USP14: variants seen among roughly 807,000 people sequenced by gnomAD.
USP14 encodes ubiquitin specific peptidase 14, also known as ubiquitin carboxyl-terminal hydrolase 14.
In USP14, 38 loss-of-function variants were observed where a neutral mutation model predicts 76.5. The ratio of observed to expected loss-of-function variants is 0.50; its 90% confidence interval spans 0.38 to 0.65. USP14 has a LOEUF of 0.65. Among genes scored for constraint, USP14 ranks in the 30% least tolerant of loss-of-function variants. The pLI is 0.00. For missense variants in USP14, 467 were observed against 586.5 expected, an observed-to-expected ratio of 0.80 and a Z score of 2.10; for synonymous variants, 192 against 191.7, an observed-to-expected ratio of 1.00 and a Z score of -0.01.
rs541001257 is a variant in USP14, at chr18:197,731, T to G, written c.675+35T>G. On this transcript the variant is annotated intron_variant, in intron 8 of 15. Coordinates refer to ENST00000261601, the MANE Select transcript of USP14 (RefSeq NM_005151.4). The stretch of plus-strand genomic sequence containing the variant: ...ATATATTTGTGATTATAGACTTTCG[T>G]TATACCTTGATTTTTTTTTTTATTT... 233 of 1,537,550 alleles carry G rather than the reference T, an allele frequency of 1.5e-4. 6 individuals carry two copies. In the South Asian group the frequency reaches 2.5e-3, roughly 17 times the overall value.
intron 1 of USP14, among the ~76,000 whole-genome samples, chr18:160,428 TGGGA>T (rs1439767609): frequency 6.6e-6 from 1 of 152,134 alleles, no homozygotes; most frequent in Non-Finnish European, 1.5e-5. Context: ...GAAGCTGAGT[TGGGA>T]GGATCACTTG....
chr18:167,236 C>T (rs541350926), intron 3 of USP14, among the ~76,000 whole-genome samples: 2 of 152,062 alleles, frequency 1.3e-5, no homozygotes, highest in African/African-American at 4.8e-5. Flanking sequence ...GAGCCGAGAT[C>T]GTGCCACTGC....
At chr18:186,887 C>T (rs1371236866) in intron 5 of USP14, among the ~76,000 whole-genome samples, 2 of 152,030 alleles carry the variant, frequency 1.3e-5, no homozygotes, top group African/African-American at 2.4e-5. Context: ...TGTTTTTATG[C>T]TTACATATTA....
chr18:204,470 C>G, intron 12 of USP14, 94 bp from the exon 13 acceptor site: 1 of 1,121,986 alleles, frequency 8.9e-7, no homozygotes, highest in South Asian at 2.1e-5. Flanking sequence ...TCAACTGTAT[C>G]TGAATTATGA....
At position 158,573 on chromosome 18, in the gene USP14, A is replaced by G; in HGVS notation, c.-126A>G. ...GGCCGGTTTGAATGAGACTCGTCGC[A>G]CCGAAGCCGCCGCCACCACCGCGCC... On this transcript the variant is annotated 5_prime_UTR_variant, in exon 1 of 16. Transcript: ENST00000261601. The G allele has an allele frequency of 3.0e-6, 3 of 994,356 alleles. No individual in the cohort carries two copies. Among genetic ancestry groups the G allele is most frequent in the Non-Finnish European group, 4.3e-6 (3 of 695,556 alleles). 61.6% of individuals were successfully genotyped at this position (994,356 alleles called of 1,614,324 possible).
chr18:193,870 C>CT (rs1454155010), intron 6 of USP14, among the ~76,000 whole-genome samples: 2 of 152,168 alleles, frequency 1.3e-5, no homozygotes, highest in African/African-American at 4.8e-5. Flanking sequence ...TGCTTTTCGA[C>CT]TATTACAAAT....
At position 158,691 on chromosome 18, in the gene USP14, G is replaced by C; in HGVS notation, c.-8G>C. The C allele has an allele frequency of 6.5e-7, 1 of 1,526,970 alleles. No individual in the cohort carries two copies. 94.6% of individuals were successfully genotyped at this position (1,526,970 alleles called of 1,614,324 possible). A position where few individuals can be genotyped will look rare whatever the true frequency, so the allele number is the denominator to read the frequency against. On this transcript the variant is annotated 5_prime_UTR_variant, in exon 1 of 16. Transcript: ENST00000261601. ...CTCCTGCGCCGCCGCCTCCCGCCGC[G>C]CCCCGCCATGCCGCTCTACTCCGGT... is the stretch of plus-strand genomic sequence containing the variant.
Position 197,753 on chromosome 18 carries a change from AT to A in USP14, c.675+65del, listed in dbSNP as rs36038195. ...TCGTTATACCTTGATTTTTTTTTTT[AT>A]TTTTTTTCCCCTCAAAGGCTTAAAA... is the stretch of plus-strand genomic sequence containing the variant. On this transcript the variant is annotated intron_variant, in intron 8 of 15. Transcript: ENST00000261601. The A allele has an allele frequency of 4.6e-5, 59 of 1,276,012 alleles. 1 individual carries two copies. The highest frequency in any genetic ancestry group is 1.0e-4 in the East Asian group (4 of 38,408). 79.0% of individuals were successfully genotyped at this position (1,276,012 alleles called of 1,614,324 possible).
intron 12 of USP14, 51 bp downstream of exon 12, chr18:203,241 T>C: frequency 6.6e-7 from 1 of 1,503,900 alleles, no homozygotes. Flanking sequence ...TTGAAGGTAA[T>C]TGCTAACTCA....
intron 4 of USP14, among the ~76,000 whole-genome samples, chr18:179,698 C>T (rs1307452705): frequency 2.0e-5 from 3 of 150,860 alleles, no homozygotes; most frequent in African/African-American, 7.3e-5. Flanking sequence ...AGTGATCCTC[C>T]CACCTCAGGC....
intron 2 of USP14, 115 bp from the exon 3 acceptor site, chr18:166,672 C>A: frequency 8.0e-6 from 10 of 1,251,056 alleles, no homozygotes; most frequent in Non-Finnish European, 9.8e-6. Flanking sequence ...TAAATAAAAT[C>A]TGCATATAGG....
intron 5 of USP14, among the ~76,000 whole-genome samples, chr18:181,246 A>G (rs1221707953): frequency 6.6e-6 from 1 of 152,088 alleles, no homozygotes; most frequent in Non-Finnish European, 1.5e-5. Flanking sequence ...TCATATAGTA[A>G]CTCTATGTTT....
chr18:202,831 ATAAAATTTT>A, intron 10 of USP14, 40 bp from the exon 11 acceptor site: 1 of 1,593,422 alleles, frequency 6.3e-7, no homozygotes, highest in Non-Finnish European at 8.6e-7. Flanking sequence ...TATTGCAGAA[ATAAAATTTT>A]TAAAACTAAT....
In USP14 at chr18:211,170, C is replaced by A; in HGVS notation, c.1371C>A (p.Ile457=). The change falls in exon 16 of 16, where the codon ATC becomes ATA. Residue 457 remains isoleucine (I), a synonymous_variant. Coordinates refer to ENST00000261601, the MANE Select transcript of USP14 (RefSeq NM_005151.4). ...AGTTTGATGATGACAAAGTCAGCAT[C>A]GTAACACCAGAAGATATCTTACGGC... ...WIKFDDDKVS[I]VTPEDILRLS... 1 of 1,613,842 alleles carries A rather than the reference C, an allele frequency of 6.2e-7. No homozygotes were observed. The highest frequency in any genetic ancestry group is 8.5e-7 in the Non-Finnish European group (1 of 1,179,868).
chr18:175,547 C>G (rs1421132900), intron 3 of USP14, among the ~76,000 whole-genome samples: 1 of 152,134 alleles, frequency 6.6e-6, no homozygotes, highest in African/African-American at 2.4e-5. Context: ...GAGTATTAAA[C>G]AGAACTTATA....
At chr18:175,040 TG>T (rs1313602975) in intron 3 of USP14, among the ~76,000 whole-genome samples, 2 of 152,144 alleles carry the variant, frequency 1.3e-5, no homozygotes, top group African/African-American at 2.4e-5. Flanking sequence ...CCCAAAGTGC[TG>T]GGATTACAAG....
At chr18:176,720 G>C (rs1350981864) in intron 3 of USP14, among the ~76,000 whole-genome samples, 2 of 152,118 alleles carry the variant, frequency 1.3e-5, no homozygotes, top group South Asian at 2.1e-4. Context: ...TTCCAACAAT[G>C]CATGAGTTTT....
Position 174,632 on chromosome 18 carries a change from C to T in USP14, c.196-4301C>T, listed in dbSNP as rs113753392. On this transcript the variant is annotated intron_variant, in intron 3 of 15. Coordinates refer to ENST00000261601, the MANE Select transcript of USP14 (RefSeq NM_005151.4). ...TTCTTTTTTTTTTTTTTTTTAAAGA[C>T]GAGGTCTTGCTTTGTCGGCTGGAGT... Among the ~76,000 whole-genome samples the T allele has an allele frequency of 1.3e-3, 186 of 139,698 alleles. 1 individual carries two copies. The highest frequency in any genetic ancestry group is 4.5e-3 in the African/African-American group (170 of 37,466). The allele number at this position is 139,698 out of a possible 152,430, so 91.6% of individuals were successfully genotyped here.
chr18:158,622 T>A lies in USP14; in HGVS notation c.-77T>A. ...CCTCCGCCTCGGCCGCCGCCGCAGC[T>A]GCTCCTGGTCCCCGTCCCTTTGCCG... On this transcript the variant is annotated 5_prime_UTR_variant, in exon 1 of 16. Transcript: ENST00000261601. 6.8e-7 allele frequency: 1 copy of A among 1,472,928 alleles called. No individual in the cohort carries two copies. The highest frequency in any genetic ancestry group is 9.0e-7 in the Non-Finnish European group (1 of 1,105,068). The allele number at this position is 1,472,928 out of a possible 1,614,324, so 91.2% of individuals were successfully genotyped here. A position where few individuals can be genotyped will look rare whatever the true frequency, so the allele number is the denominator to read the frequency against.
Sources: gnomAD v4.1 joint callset for allele counts (sites outside exome capture counted in the v4.1 genomes callset) on GRCh38, gnomAD v4.1.1 for gene constraint, MANE v1.5 for transcripts, NCBI Gene and HGNC (gene_info 2026-07-23, HGNC 2026-07-21) for gene names.